The following EXOC4 variants were observed in gnomAD, a reference collection of about 807,000 sequenced individuals.
The protein encoded by EXOC4 is exocyst complex component 4, also known as SEC8-like 1.
In EXOC4, 71 loss-of-function variants were observed where a neutral mutation model predicts 107.2. The observed-to-expected ratio is 0.66, with a 90% confidence interval of 0.55 to 0.81. The LOEUF (loss-of-function observed/expected upper bound fraction) is 0.81. Ranked by LOEUF, EXOC4 falls within the 30% of genes least tolerant of loss-of-function variation. The probability of loss-of-function intolerance (pLI) is 0.00; values close to 1 mark genes in which losing one functional copy is unlikely to be tolerated. For synonymous variants in EXOC4, 456 were observed against 441.2 expected (o/e 1.03, Z -0.42); for missense variants, 1,108 against 1,189.6 (o/e 0.93, Z 1.01).
intron 9 of EXOC4, among the ~76,000 whole-genome samples, chr7:133,534,865 G>C (rs1800244133): frequency 6.6e-6 from 1 of 152,066 alleles, no homozygotes; most frequent in South Asian, 2.1e-4. Flanking sequence ...AAAAAGTATG[G>C]GGTAAGCGGG....
At chr7:133,333,752 C>A (rs533158374) in intron 5 of EXOC4, among the ~76,000 whole-genome samples, 140 of 152,250 alleles carry the variant, frequency 9.2e-4, no homozygotes, top group Non-Finnish European at 1.6e-3. Flanking sequence ...CCATGTCAAC[C>A]ACTGCAGTTC....
chr7:134,003,662 A>G (rs911114349), intron 15 of EXOC4, among the ~76,000 whole-genome samples: 26 of 152,100 alleles, frequency 1.7e-4, no homozygotes, highest in Admixed American at 1.6e-3. Context: ...AGAGCACCTA[A>G]AACAACAGAG....
intron 2 of EXOC4, among the ~76,000 whole-genome samples, chr7:133,281,187 C>A (rs1329186774): frequency 3.9e-5 from 6 of 152,026 alleles, no homozygotes; most frequent in Non-Finnish European, 8.8e-5. Context: ...GGCTTTTAAA[C>A]AGAACAATGA....
At chr7:134,055,292 G>A (rs1199188804) in intron 17 of EXOC4, among the ~76,000 whole-genome samples, 1 of 152,176 alleles carries the variant, frequency 6.6e-6, no homozygotes, top group African/African-American at 2.4e-5. Flanking sequence ...CTGAATAGCA[G>A]TCCTTGCGTC....
At chr7:133,304,797 C>T (rs932449320) in intron 3 of EXOC4, among the ~76,000 whole-genome samples, 3 of 152,148 alleles carry the variant, frequency 2.0e-5, no homozygotes, top group Non-Finnish European at 4.4e-5. Flanking sequence ...GGGTTTTACC[C>T]TGAAGTATTA....
chr7:134,059,141 A>G (rs1795997122), intron 17 of EXOC4, among the ~76,000 whole-genome samples: 1 of 152,184 alleles, frequency 6.6e-6, no homozygotes, highest in Admixed American at 6.5e-5. Flanking sequence ...TGTCACCCCT[A>G]CAGGCAAAGT....
intron 10 of EXOC4, among the ~76,000 whole-genome samples, chr7:133,811,789 T>A (rs993882622): frequency 8.5e-5 from 13 of 152,344 alleles, no homozygotes; most frequent in Admixed American, 3.9e-4. Flanking sequence ...GATGATTTTT[T>A]AAAAATTTTG....
chr7:133,830,268 C>T (rs998778450), intron 11 of EXOC4, among the ~76,000 whole-genome samples: 7 of 152,192 alleles, frequency 4.6e-5, no homozygotes, highest in Admixed American at 3.9e-4. Flanking sequence ...ATCAGGCACT[C>T]GCAGAAGTGC....
chr7:133,944,476 A>G (rs1184214672), intron 14 of EXOC4, among the ~76,000 whole-genome samples: 1 of 152,164 alleles, frequency 6.6e-6, no homozygotes, highest in Non-Finnish European at 1.5e-5. Context: ...TTCTCATGAA[A>G]TCACATCAAG....
intron 10 of EXOC4, among the ~76,000 whole-genome samples, chr7:133,748,435 A>T (rs1400519556): frequency 6.6e-6 from 1 of 152,198 alleles, no homozygotes; most frequent in African/African-American, 2.4e-5. Context: ...CAGGGATGAG[A>T]GGAACCACAT....
chr7:133,260,991 ATC>A (rs1795138624), intron 1 of EXOC4, among the ~76,000 whole-genome samples: 2 of 151,972 alleles, frequency 1.3e-5, no homozygotes, highest in African/African-American at 4.8e-5. Flanking sequence ...GCTATTCCTA[ATC>A]TCTTGCTAAT....
chr7:133,606,029 T>C (rs1204732076), intron 9 of EXOC4, among the ~76,000 whole-genome samples: 2 of 152,136 alleles, frequency 1.3e-5, no homozygotes, highest in Non-Finnish European at 2.9e-5. Context: ...TGTGAAGTGA[T>C]GCTGCTAGAT....
At chr7:133,292,807 C>T (rs1423223212) in intron 3 of EXOC4, among the ~76,000 whole-genome samples, 1 of 152,152 alleles carries the variant, frequency 6.6e-6, no homozygotes, top group Admixed American at 6.5e-5. Context: ...CATAGTGTAG[C>T]TCATACAGTC....
At chr7:133,590,683 G>A (rs569494219) in intron 9 of EXOC4, among the ~76,000 whole-genome samples, 7 of 152,194 alleles carry the variant, frequency 4.6e-5, no homozygotes, top group East Asian at 1.9e-4. Flanking sequence ...GGGGATGGCC[G>A]AACCTCTGGG....
intron 11 of EXOC4, among the ~76,000 whole-genome samples, chr7:133,873,163 TGTG>T (rs1181090621): frequency 6.6e-6 from 1 of 152,160 alleles, no homozygotes; most frequent in African/African-American, 2.4e-5. Flanking sequence ...TTTAGCCAGT[TGTG>T]GTGGTGTGCA....
chr7:133,621,920 G>A (rs1216373587), intron 9 of EXOC4, among the ~76,000 whole-genome samples: 1 of 151,452 alleles, frequency 6.6e-6, no homozygotes, highest in Non-Finnish European at 1.5e-5. Context: ...AACAGTAACA[G>A]AAGCAAGAAA....
At chr7:134,084,611 C>T in the EXOC4 span, among the ~76,000 whole-genome samples, 1 of 14,558 alleles carries the variant, frequency 6.9e-5, no homozygotes, top group East Asian at 1.9e-3. Context: ...AGATGCCTTT[C>T]TACCTTGCAA....
At chr7:133,958,826 T>C (rs901842309) in intron 14 of EXOC4, among the ~76,000 whole-genome samples, 1 of 152,146 alleles carries the variant, frequency 6.6e-6, no homozygotes, top group Admixed American at 6.5e-5. Flanking sequence ...AATGGTAAAA[T>C]AGAGATTCCT....
chr7:134,004,674 T>C (rs1408606883), intron 15 of EXOC4, among the ~76,000 whole-genome samples: 1 of 152,180 alleles, frequency 6.6e-6, no homozygotes, highest in Non-Finnish European at 1.5e-5. Context: ...AAGATGGCTT[T>C]CTGGTTAAAA....
Sources: allele counts gnomAD v4.1 joint callset (sites outside exome capture counted in the v4.1 genomes callset), GRCh38; gene constraint gnomAD v4.1.1; transcripts MANE v1.5; gene names NCBI Gene and HGNC (gene_info 2026-07-23, HGNC 2026-07-21).